The following MPHOSPH8 variants were observed in gnomAD, a reference collection of about 807,000 sequenced individuals.
MPHOSPH8 encodes the protein M-phase phosphoprotein, mpp.
In MPHOSPH8, 45 loss-of-function variants were observed where a neutral mutation model predicts 87.3. The observed-to-expected ratio is 0.52, with a 90% CI of 0.41 to 0.66. The LOEUF (loss-of-function observed/expected upper bound fraction) is 0.66, where lower values mean the gene tolerates loss of function less well. MPHOSPH8 is among the 30% of genes least tolerant of loss of function. The probability of loss-of-function intolerance (pLI) is 0.00; values close to 1 mark genes in which losing one functional copy is unlikely to be tolerated. For missense variants in MPHOSPH8, 883 were observed against 1,020.2 expected (o/e 0.87, Z 1.83); for synonymous variants, 366 against 376.9 (o/e 0.97, Z 0.33).
chr13:19,646,418 T>C, intron 2 of MPHOSPH8, 25 bp from the exon 3 acceptor site: 3 of 1,387,822 alleles, frequency 2.2e-6, no homozygotes, highest in Non-Finnish European at 2.8e-6. Flanking sequence ...TTAATGAATA[T>C]TTTAATCTGT....
intron 10 of MPHOSPH8, among the ~76,000 whole-genome samples, chr13:19,667,147 G>A (rs73166949): frequency 0.11 from 16,340 of 152,158 alleles, 1,061 homozygotes; most frequent in African/African-American, 0.18. Flanking sequence ...GGGCGACAGA[G>A]CAACACTCTG....
At chr13:19,666,888 G>C (rs116958143) in intron 10 of MPHOSPH8, among the ~76,000 whole-genome samples, 1 of 152,164 alleles carries the variant, frequency 6.6e-6, no homozygotes, top group South Asian at 2.1e-4. Context: ...TTGGCCGGGC[G>C]CAGTGGCTCA....
chr13:19,638,580 T>C (rs907258181), intron 1 of MPHOSPH8, among the ~76,000 whole-genome samples: 4 of 151,616 alleles, frequency 2.6e-5, no homozygotes, highest in African/African-American at 9.7e-5. Flanking sequence ...GACACTGCAC[T>C]CCAGCCTGAC....
intron 11 of MPHOSPH8, among the ~76,000 whole-genome samples, chr13:19,669,014 T>C (rs1316925255): frequency 6.6e-6 from 1 of 152,186 alleles, no homozygotes; most frequent in African/African-American, 2.4e-5. Context: ...GTGGAGGCAG[T>C]GCAGTCTGCC....
At chr13:19,668,714 C>G (rs1034729967) in intron 11 of MPHOSPH8, among the ~76,000 whole-genome samples, 183 bp downstream of exon 11, 4 of 152,200 alleles carry the variant, frequency 2.6e-5, no homozygotes, top group Non-Finnish European at 4.4e-5. Flanking sequence ...CACCCCATCC[C>G]TGTTTTAACA....
At chr13:19,640,279 G>T (rs1357573956) in intron 1 of MPHOSPH8, among the ~76,000 whole-genome samples, 1 of 152,126 alleles carries the variant, frequency 6.6e-6, no homozygotes, top group East Asian at 1.9e-4. Flanking sequence ...TATTAATGAT[G>T]AACTAATAAA....
chr13:19,642,580 G>A (rs8000138), intron 2 of MPHOSPH8, among the ~76,000 whole-genome samples: 107,021 of 151,944 alleles, frequency 0.7, 38,634 homozygotes, highest in Non-Finnish European at 0.8. Context: ...TTGTTCGTCC[G>A]TGACATGAGC....
In MPHOSPH8 at chr13:19,672,153, T is replaced by A; in HGVS notation, c.*278T>A. 1 of 366,902 alleles carries A rather than the reference T, an allele frequency of 2.7e-6. No individual in the cohort carries two copies. The highest frequency in any genetic ancestry group is 2.1e-5 in the African/African-American group (1 of 48,750). The allele number at this position is 366,902 out of a possible 1,614,324, so 22.7% of individuals were successfully genotyped here. A position where few individuals can be genotyped will look rare whatever the true frequency, so the allele number is the denominator to read the frequency against. Reference sequence around the variant, plus strand: ...TAAGAAAATTAAAGACTTCACTTTCTTTTTTCTGGAGACGGAGTTTCGCTC... The same window carrying A: ...TAAGAAAATTAAAGACTTCACTTTCATTTTTCTGGAGACGGAGTTTCGCTC... On this transcript the variant is annotated 3_prime_UTR_variant, in exon 14 of 14. Coordinates refer to ENST00000361479, the MANE Select transcript of MPHOSPH8 (RefSeq NM_017520.4).
chr13:19,646,779 A>G lies in MPHOSPH8; in HGVS notation c.706A>G (p.Arg236Gly). 1 of 1,577,270 alleles carries G rather than the reference A, an allele frequency of 6.3e-7. No homozygotes were observed. The highest frequency in any genetic ancestry group is 8.6e-7 in the Non-Finnish European group (1 of 1,166,274). The change falls in exon 3 of 14, where the codon AGA becomes GGA. Residue 236 changes from arginine to glycine, a missense_variant. Arg to Gly is a moderately radical substitution (Grantham distance 125). Transcript: ENST00000361479. ...AAAGAAAGTTAAAAAGGGTGAAATA[A>G]GAGATTTAAAGACGAAAACAAGAGA... ...ELKKVKKGEI[R>G]DLKTKTREDP...
chr13:19,635,334 C>G (rs1347207496), intron 1 of MPHOSPH8, among the ~76,000 whole-genome samples: 1 of 152,154 alleles, frequency 6.6e-6, no homozygotes, highest in African/African-American at 2.4e-5. Context: ...GCCTGGCCAA[C>G]ATGGTGAAAC....
At chr13:19,654,619 C>G (rs771683484) in intron 5 of MPHOSPH8, among the ~76,000 whole-genome samples, 6 of 152,066 alleles carry the variant, frequency 3.9e-5, no homozygotes, top group Non-Finnish European at 8.8e-5. Flanking sequence ...TCTGGGAGAC[C>G]ATCATAACTT....
chr13:19,660,136 AT>A (rs568591119), intron 7 of MPHOSPH8, among the ~76,000 whole-genome samples: 275 of 134,988 alleles, frequency 2.0e-3, no homozygotes, highest in Middle Eastern at 0.011. Context: ...AATTTTTTGT[AT>A]TTTTTTTTTT....
At chr13:19,640,738 A>G (rs1874242321) in intron 1 of MPHOSPH8, among the ~76,000 whole-genome samples, 1 of 152,128 alleles carries the variant, frequency 6.6e-6, no homozygotes, top group Admixed American at 6.5e-5. Flanking sequence ...ATTTATTCTA[A>G]CAACTTAATA....
rs1874561602 is a variant in MPHOSPH8 at position 19,646,345 on chromosome 13, A to T, written c.370-98A>T. 10 of 1,068,458 alleles carry T rather than the reference A, an allele frequency of 9.4e-6. 1 individual carries two copies. The South Asian group carries it at 2.9e-4, about 31-fold the overall frequency. 66.2% of individuals were successfully genotyped at this position (1,068,458 alleles called of 1,614,324 possible). A position where few individuals can be genotyped will look rare whatever the true frequency, so the allele number is the denominator to read the frequency against. On this transcript the variant is annotated intron_variant, in intron 2 of 13. Transcript: ENST00000361479. ...TTTAAGAAGTTGAGATTCTGCTTGG[A>T]ACAAAAAATATTCTTACCAAATTTC...
intron 1 of MPHOSPH8, among the ~76,000 whole-genome samples, chr13:19,636,326 T>C (rs1255569105): frequency 6.6e-6 from 1 of 152,212 alleles, no homozygotes; most frequent in Non-Finnish European, 1.5e-5. Context: ...ATTCACTTTT[T>C]ACTAATTAAT....
At chr13:19,660,795 G>T (rs1449162523) in intron 7 of MPHOSPH8, 1 of 297,374 alleles carries the variant, frequency 3.4e-6, no homozygotes, top group Non-Finnish European at 5.0e-6. Flanking sequence ...GTACACATAA[G>T]TGTGTGTAAC....
At chr13:19,660,813 A>G in intron 7 of MPHOSPH8, 1 of 473,312 alleles carries the variant, frequency 2.1e-6, no homozygotes, top group South Asian at 9.0e-5. Context: ...AACTCCAGTC[A>G]TTTAATGAAA....
At chr13:19,641,480 CTTTTTTTTTT>C (rs869295535) in intron 1 of MPHOSPH8, among the ~76,000 whole-genome samples, 2 of 72,258 alleles carry the variant, frequency 2.8e-5, no homozygotes, top group Non-Finnish European at 4.8e-5. Context: ...GTGCCACCAT[CTTTTTTTTTT>C]TTTTTTTTTT....
chr13:19,643,735 G>A (rs921750546), intron 2 of MPHOSPH8, among the ~76,000 whole-genome samples: 1 of 151,778 alleles, frequency 6.6e-6, no homozygotes, highest in Non-Finnish European at 1.5e-5. Context: ...TGTACATTTA[G>A]CTGGAACCCC....
Sources: gnomAD v4.1 joint callset for allele counts (sites outside exome capture counted in the v4.1 genomes callset) on GRCh38, gnomAD v4.1.1 for gene constraint, MANE v1.5 for transcripts, NCBI Gene and HGNC (gene_info 2026-07-23, HGNC 2026-07-21) for gene names.